Variants in DTWD2 observed in about 807,000 individuals in gnomAD.
DTWD2 encodes tRNA-uridine aminocarboxypropyltransferase 2.
A neutral mutation model predicts 31.8 loss-of-function variants in DTWD2; 39 were observed. The observed-to-expected ratio is 1.22, with a 90% CI of 0.95 to 1.60. DTWD2 has a LOEUF of 1.60. DTWD2 is among the 40% of genes most tolerant of loss of function. The pLI, the probability that DTWD2 is intolerant of heterozygous loss-of-function variation, is 0.00. For missense variants in DTWD2, 515 were observed against 381.5 expected, an observed-to-expected ratio of 1.35 and a Z score of -2.92; for synonymous variants, 180 against 142.8, an observed-to-expected ratio of 1.26 and a Z score of -1.86.
intron 4 of DTWD2, among the ~76,000 whole-genome samples, chr5:118,902,223 C>A (rs1018006352): frequency 6.6e-5 from 10 of 151,932 alleles, no homozygotes; most frequent in African/African-American, 2.4e-4. Context: ...TATCAATTAT[C>A]AAATGTTCAA....
chr5:118,858,276 G>C (rs1005488561), intron 4 of DTWD2, among the ~76,000 whole-genome samples: 2 of 152,040 alleles, frequency 1.3e-5, no homozygotes, highest in Non-Finnish European at 2.9e-5. Context: ...TTAGAGAAAA[G>C]GTACTCAATG....
In DTWD2 at chr5:118,836,295, C is replaced by G. The variant is rs544062608; in HGVS notation, c.*4622G>C. Reference sequence around the variant, plus strand: ...TCACTCTGTCGCCCAGGCTAGAGTGCAGTGGTACATCTCAGCTCACTGCAA... The same window carrying G: ...TCACTCTGTCGCCCAGGCTAGAGTGGAGTGGTACATCTCAGCTCACTGCAA... On this transcript the variant is annotated 3_prime_UTR_variant, in exon 6 of 6. Coordinates refer to ENST00000510708, the MANE Select transcript of DTWD2 (RefSeq NM_173666.4). 5.3e-5 allele frequency among the ~76,000 whole-genome samples: 8 copies of G among 152,218 alleles called. No homozygotes were observed. Among genetic ancestry groups the G allele is most frequent in the African/African-American group, 1.9e-4 (8 of 41,522 alleles).
chr5:118,870,061 T>C (rs1349566388), intron 4 of DTWD2, among the ~76,000 whole-genome samples: 1 of 152,204 alleles, frequency 6.6e-6, no homozygotes, highest in Non-Finnish European at 1.5e-5. Context: ...TCCACCATGA[T>C]TGTAAGCTTC....
intron 4 of DTWD2, among the ~76,000 whole-genome samples, chr5:118,859,185 A>G (rs1022016811): frequency 2.6e-5 from 4 of 151,744 alleles, no homozygotes; most frequent in African/African-American, 9.7e-5. Context: ...TTTCCTCGGT[A>G]TCTAGCTGGA....
intron 1 of DTWD2, chr5:118,973,660 AGCCTCCTTGCTCG>A (rs2149599905): frequency 6.9e-6 from 6 of 874,538 alleles, no homozygotes; most frequent in Admixed American, 2.3e-5. Flanking sequence ...TGCTCGCGGC[AGCCTCCTTGCTCG>A]CCGCAGCCGC....
chr5:118,893,156 C>T (rs1230673744), intron 4 of DTWD2, among the ~76,000 whole-genome samples: 1 of 151,826 alleles, frequency 6.6e-6, no homozygotes, highest in Non-Finnish European at 1.5e-5. Flanking sequence ...CGAGCCAATG[C>T]TTAAGATCAG....
chr5:118,950,929 T>A (rs112729908), intron 1 of DTWD2, among the ~76,000 whole-genome samples: 2 of 151,986 alleles, frequency 1.3e-5, no homozygotes, highest in African/African-American at 4.8e-5. Flanking sequence ...CAGGAGCAGA[T>A]TGGGTAATAA....
intron 4 of DTWD2, among the ~76,000 whole-genome samples, chr5:118,866,272 T>C (rs988911315): frequency 1.3e-5 from 2 of 152,172 alleles, no homozygotes; most frequent in Non-Finnish European, 2.9e-5. Context: ...CCAAAGACCT[T>C]ACAGTTTAAA....
intron 4 of DTWD2, among the ~76,000 whole-genome samples, chr5:118,918,041 T>A (rs1371947423): frequency 6.6e-6 from 1 of 151,864 alleles, no homozygotes; most frequent in Non-Finnish European, 1.5e-5. Context: ...CATTATCTAA[T>A]CACCTCCAAT....
chr5:118,940,156 A>G (rs922520750), intron 2 of DTWD2, among the ~76,000 whole-genome samples: 9 of 152,172 alleles, frequency 5.9e-5, no homozygotes, highest in African/African-American at 2.2e-4. Context: ...CATTAAGTTG[A>G]CTGTCGTCAG....
At chr5:118,939,937 TG>T (rs1754143351) in intron 2 of DTWD2, among the ~76,000 whole-genome samples, 1 of 152,092 alleles carries the variant, frequency 6.6e-6, no homozygotes, top group Non-Finnish European at 1.5e-5. Flanking sequence ...AATAAATAAA[TG>T]GGGGAGAAGA....
At chr5:118,868,793 T>C (rs1752436877) in intron 4 of DTWD2, among the ~76,000 whole-genome samples, 1 of 148,768 alleles carries the variant, frequency 6.7e-6, no homozygotes, top group Non-Finnish European at 1.5e-5. Flanking sequence ...GAACCGTGAT[T>C]GCCACTGCAT....
At chr5:118,879,585 G>A (rs920681712) in intron 4 of DTWD2, among the ~76,000 whole-genome samples, 5 of 148,888 alleles carry the variant, frequency 3.4e-5, no homozygotes, top group Admixed American at 2.0e-4. Flanking sequence ...ACTCCAGCCT[G>A]GGCGACAGAG....
At chr5:118,892,485 G>T (rs1376662122) in intron 4 of DTWD2, among the ~76,000 whole-genome samples, 1 of 152,058 alleles carries the variant, frequency 6.6e-6, no homozygotes, top group Non-Finnish European at 1.5e-5. Flanking sequence ...CATCTTTACT[G>T]AGGATTCTAC....
intron 4 of DTWD2, among the ~76,000 whole-genome samples, chr5:118,851,283 T>C (rs957266285): frequency 1.4e-5 from 2 of 142,504 alleles, no homozygotes; most frequent in African/African-American, 5.2e-5. Context: ...TATTTCAACA[T>C]AGGTTCTTTC....
At chr5:118,894,733 C>T (rs914766459) in intron 4 of DTWD2, among the ~76,000 whole-genome samples, 3 of 152,138 alleles carry the variant, frequency 2.0e-5, no homozygotes, top group African/African-American at 7.2e-5. Flanking sequence ...AATCAATAAA[C>T]ATAATACATC....
intron 3 of DTWD2, among the ~76,000 whole-genome samples, chr5:118,937,490 C>T (rs1045490683): frequency 2.0e-5 from 3 of 152,244 alleles, no homozygotes; most frequent in African/African-American, 7.2e-5. Context: ...ATCCAGCCAA[C>T]CCTATCACCT....
At chr5:118,972,161 C>CA (rs1341867036) in intron 1 of DTWD2, among the ~76,000 whole-genome samples, 7 of 151,988 alleles carry the variant, frequency 4.6e-5, no homozygotes, top group African/African-American at 1.5e-4. Flanking sequence ...ACAACCCCTT[C>CA]AAAAAATCAA....
chr5:118,939,262 A>G lies in DTWD2; in HGVS notation c.338T>C (p.Leu113Pro). Residue 113 changes from leucine to proline, a missense_variant, in exon 3 of 6, where the codon CTA becomes CCA. Leu to Pro is a moderately conservative substitution (Grantham distance 98, BLOSUM62 -3). Transcript: ENST00000510708. ...EENKVLRTVPLLAACLPQDKC... is the reference protein window; with the variant it reads ...EENKVLRTVPPLAACLPQDKC... ...GTCCTGGGGGAGGCATGCTGCTAGT[A>G]GAGGAACTGTACGCAACACTTTGTT... 2 of 1,599,934 alleles carry G rather than the reference A, an allele frequency of 1.3e-6. No individual in the cohort carries two copies. Among genetic ancestry groups the G allele is most frequent in the Non-Finnish European group, 1.7e-6 (2 of 1,172,760 alleles).
Sources: gnomAD v4.1 joint callset for allele counts (sites outside exome capture counted in the v4.1 genomes callset) on GRCh38, gnomAD v4.1.1 for gene constraint, MANE v1.5 for transcripts, NCBI Gene and HGNC (gene_info 2026-07-23, HGNC 2026-07-21) for gene names.